Variants in CPQ observed in about 807,000 individuals in gnomAD.
CPQ encodes carboxypeptidase Q, also known as Ser-Met dipeptidase.
Under a neutral mutation model 45.7 loss-of-function variants are expected in CPQ, and 37 were observed. The ratio of observed to expected loss-of-function variants is 0.81; its 90% CI spans 0.62 to 1.07. CPQ has a LOEUF of 1.07. Among genes scored for constraint, CPQ ranks in the 50% least tolerant of loss-of-function variants. CPQ has a pLI of 0.00. For synonymous variants in CPQ, 186 were observed against 205.8 expected (o/e 0.90, Z 0.82); for missense variants, 537 against 572.9 (o/e 0.94, Z 0.64).
chr8:97,129,318 A>T (rs2130619889), intron 7 of CPQ, among the ~76,000 whole-genome samples: 1 of 152,246 alleles, frequency 6.6e-6, no homozygotes, highest in Admixed American at 6.5e-5. Context: ...ATATGAATTC[A>T]GCACCAAGTA....
At chr8:97,085,687 T>G (rs1198484165) in intron 7 of CPQ, among the ~76,000 whole-genome samples, 1 of 152,178 alleles carries the variant, frequency 6.6e-6, no homozygotes, top group Non-Finnish European at 1.5e-5. Flanking sequence ...GGTACTGCCT[T>G]TGGACATTGT....
At chr8:97,039,527 C>T (rs1810074239) in intron 6 of CPQ, among the ~76,000 whole-genome samples, 1 of 151,046 alleles carries the variant, frequency 6.6e-6, no homozygotes, top group African/African-American at 2.4e-5. Flanking sequence ...TACATGTGCA[C>T]AATGTGCAGG....
chr8:96,729,145 C>T (rs1200127020), intron 1 of CPQ, among the ~76,000 whole-genome samples: 2 of 152,176 alleles, frequency 1.3e-5, no homozygotes, highest in South Asian at 2.1e-4. Context: ...CAAAAACTCT[C>T]GCAAGAGAAG....
At chr8:96,888,466 A>G (rs1404549084) in intron 4 of CPQ, among the ~76,000 whole-genome samples, 1 of 152,206 alleles carries the variant, frequency 6.6e-6, no homozygotes, top group Non-Finnish European at 1.5e-5. Context: ...TCATCACACT[A>G]ATGGTAAATT....
In CPQ at chr8:96,712,133, C is replaced by T. The variant is rs186593790; in HGVS notation, c.-35+66731C>T. Among the ~76,000 whole-genome samples, 280 of 152,300 alleles carry T rather than the reference C, an allele frequency of 1.8e-3. 1 individual carries two copies. The highest frequency in any genetic ancestry group is 3.0e-3 in the Non-Finnish European group (207 of 68,024). On this transcript the variant is annotated intron_variant, in intron 1 of 7. Coordinates refer to ENST00000220763, the MANE Select transcript of CPQ (RefSeq NM_016134.4). ...AGTTACAAAATGATCTCCTTTGACT[C>T]CATGTCTCACATCCAGGTCATGCTG...
At chr8:96,697,351 G>C (rs1809398601) in intron 1 of CPQ, among the ~76,000 whole-genome samples, 1 of 152,074 alleles carries the variant, frequency 6.6e-6, no homozygotes, top group Admixed American at 6.6e-5. Context: ...CTGAAAAACT[G>C]GATATAGAAT....
chr8:96,989,426 C>T (rs552504252), intron 5 of CPQ, among the ~76,000 whole-genome samples: 7 of 75,282 alleles, frequency 9.3e-5, no homozygotes, highest in Non-Finnish European at 1.5e-4. Context: ...GGGACAGGAG[C>T]GGAGGGAAGG....
intron 4 of CPQ, among the ~76,000 whole-genome samples, chr8:96,929,881 T>A (rs778762162): frequency 2.0e-4 from 30 of 152,188 alleles, no homozygotes; most frequent in Non-Finnish European, 2.8e-4. Flanking sequence ...GTAATTGCTA[T>A]GCTTTGGAAA....
intron 1 of CPQ, among the ~76,000 whole-genome samples, chr8:96,740,931 G>T (rs956384045): frequency 3.3e-5 from 5 of 151,936 alleles, no homozygotes; most frequent in Non-Finnish European, 5.9e-5. Flanking sequence ...TCTCTTTTTT[G>T]GTTGTGTCTC....
intron 4 of CPQ, among the ~76,000 whole-genome samples, chr8:96,904,494 A>G (rs1005098638): frequency 6.6e-6 from 1 of 152,196 alleles, no homozygotes; most frequent in African/African-American, 2.4e-5. Context: ...GCTCTGACTT[A>G]TCATCTGGAT....
chr8:96,824,460 A>C (rs781124520), intron 2 of CPQ, among the ~76,000 whole-genome samples: 37 of 152,026 alleles, frequency 2.4e-4, no homozygotes, highest in Admixed American at 2.1e-3. Context: ...ACCTTTTAGC[A>C]CTTGAATTTA....
chr8:97,034,890 T>C (rs568695354), intron 6 of CPQ, among the ~76,000 whole-genome samples: 102 of 151,366 alleles, frequency 6.7e-4, no homozygotes, highest in African/African-American at 2.5e-3. Context: ...TGTCCCTTTC[T>C]ATTTTTTTTT....
intron 4 of CPQ, among the ~76,000 whole-genome samples, chr8:96,908,753 A>G (rs1327744638): frequency 1.4e-4 from 21 of 149,484 alleles, no homozygotes; most frequent in Non-Finnish European, 5.9e-5. Context: ...ATGCGCACAC[A>G]CACACACACA....
chr8:97,064,436 A>G (rs1483234137), intron 6 of CPQ, among the ~76,000 whole-genome samples: 1 of 152,216 alleles, frequency 6.6e-6, no homozygotes, highest in Non-Finnish European at 1.5e-5. Context: ...TGATGCTACC[A>G]TAATGCAGTA....
intron 4 of CPQ, among the ~76,000 whole-genome samples, chr8:96,932,114 C>T (rs1389600119): frequency 6.6e-6 from 1 of 152,076 alleles, no homozygotes; most frequent in Admixed American, 6.5e-5. Context: ...TGTATATATT[C>T]ACTACCCAGA....
At position 96,750,726 on chromosome 8, in the gene CPQ, C is replaced by T. The variant is rs186660803; in HGVS notation, c.-34-34138C>T. Among the ~76,000 whole-genome samples the T allele has an allele frequency of 4.2e-4, 64 of 151,970 alleles. 1 individual carries two copies. Among genetic ancestry groups the T allele is most frequent in the Admixed American group, 6.6e-4 (10 of 15,230 alleles). ...ATGGTGGTTTGCTGCACAGATCAAC[C>T]CATCACCTAGGTATAAAGCTCAGCA... On this transcript the variant is annotated intron_variant, in intron 1 of 7. Transcript: ENST00000220763.
At position 96,651,350 on chromosome 8, in the gene CPQ, TTCTACA is replaced by T. The variant is rs1815574111; in HGVS notation, c.-35+5951_-35+5956del. Among the ~76,000 whole-genome samples the T allele has an allele frequency of 4.6e-5, 7 of 152,350 alleles. No homozygotes were observed. In the South Asian group the frequency reaches 1.4e-3, roughly 32 times the overall value. On this transcript the variant is annotated intron_variant, in intron 1 of 7. Coordinates refer to ENST00000220763, the MANE Select transcript of CPQ (RefSeq NM_016134.4). ...ACTAGAAACTCTTATGGTCCTTGAA[TTCTACA>T]TCAGTATTAAAATGAAACCAAGTAT...
At chr8:97,087,443 T>C (rs1811059240) in intron 7 of CPQ, among the ~76,000 whole-genome samples, 1 of 152,192 alleles carries the variant, frequency 6.6e-6, no homozygotes, top group South Asian at 2.1e-4. Context: ...TAATGAGCAG[T>C]TCTTCCATAG....
chr8:96,807,132 C>G (rs1156317531), intron 2 of CPQ, among the ~76,000 whole-genome samples: 2 of 152,126 alleles, frequency 1.3e-5, no homozygotes, highest in Non-Finnish European at 2.9e-5. Flanking sequence ...AACATATAAC[C>G]ACAACAAATT....
Sources: allele counts gnomAD v4.1 joint callset (sites outside exome capture counted in the v4.1 genomes callset), GRCh38; gene constraint gnomAD v4.1.1; transcripts MANE v1.5; gene names NCBI Gene and HGNC (gene_info 2026-07-23, HGNC 2026-07-21).